Variants in ALK observed in about 807,000 individuals in gnomAD.
ALK encodes ALK tyrosine kinase receptor.
A neutral mutation model predicts 163.1 loss-of-function variants in ALK; 74 were observed. The ratio of observed to expected loss-of-function variants is 0.45; its 90% CI spans 0.38 to 0.55. The LOEUF is 0.55. Ranked by LOEUF, ALK falls within the 20% of genes least tolerant of loss-of-function variation. The pLI is 0.00. For missense variants in ALK, 2,063 were observed against 2,105.3 expected (o/e 0.98, Z 0.39); for synonymous variants, 960 against 843.2 (o/e 1.14, Z -2.40).
At chr2:29,583,041 TG>T (rs1340760409) in intron 3 of ALK, among the ~76,000 whole-genome samples, 17 of 88,820 alleles carry the variant, frequency 1.9e-4, no homozygotes, top group Admixed American at 5.2e-4. Context: ...TTTTGTTTTT[TG>T]TTTTTTTGTT....
At chr2:29,217,085 T>C (rs529895873) in intron 23 of ALK, among the ~76,000 whole-genome samples, 2 of 143,378 alleles carry the variant, frequency 1.4e-5, no homozygotes, top group Non-Finnish European at 3.0e-5. Flanking sequence ...TGTATGTAAG[T>C]GGTATATGTC....
At chr2:29,555,557 C>T (rs1673830194) in intron 3 of ALK, among the ~76,000 whole-genome samples, 2 of 152,196 alleles carry the variant, frequency 1.3e-5, no homozygotes, top group Non-Finnish European at 2.9e-5. Flanking sequence ...CACCCCTGCC[C>T]TCCACCTTTC....
At chr2:29,392,970 A>ATCAAAGTTCAAGG (rs1377978862) in intron 4 of ALK, among the ~76,000 whole-genome samples, 2 of 14,482 alleles carry the variant, frequency 1.4e-4, no homozygotes, top group Non-Finnish European at 1.9e-4. Context: ...TGTGTTTAAG[A>ATCAAAGTTCAAGG]TCACTCAAAG....
intron 1 of ALK, among the ~76,000 whole-genome samples, chr2:29,840,312 A>G (rs904172041): frequency 6.6e-6 from 1 of 152,288 alleles, no homozygotes. Flanking sequence ...AAATGCTTGG[A>G]GAGATAAAGA....
At chr2:29,714,422 G>A (rs1679190837) in intron 2 of ALK, among the ~76,000 whole-genome samples, 1 of 152,158 alleles carries the variant, frequency 6.6e-6, no homozygotes, top group Non-Finnish European at 1.5e-5. Context: ...GATAATTACA[G>A]ACTGGGGGTG....
chr2:29,570,917 T>G (rs541768110), intron 3 of ALK, among the ~76,000 whole-genome samples: 105 of 152,300 alleles, frequency 6.9e-4, no homozygotes, highest in African/African-American at 2.4e-3. Context: ...AAACACAAAA[T>G]CTTTTCAAAT....
intron 18 of ALK, among the ~76,000 whole-genome samples, 153 bp downstream of exon 18, chr2:29,226,769 G>A (rs1195001206): frequency 6.6e-6 from 1 of 152,218 alleles, no homozygotes; most frequent in Non-Finnish European, 1.5e-5. Flanking sequence ...CTTTCACACA[G>A]TGGTCAGAGC....
intron 4 of ALK, among the ~76,000 whole-genome samples, chr2:29,481,898 C>G (rs548842686): frequency 3.3e-5 from 5 of 152,170 alleles, no homozygotes; most frequent in Non-Finnish European, 7.3e-5. Context: ...TTTTCAAAGG[C>G]TCTTAAGCCT....
chr2:29,363,553 G>T (rs1230948625), intron 5 of ALK, among the ~76,000 whole-genome samples: 1 of 152,188 alleles, frequency 6.6e-6, no homozygotes, highest in African/African-American at 2.4e-5. Flanking sequence ...ACCACTTCTG[G>T]ATCTGTAGGC....
chr2:29,234,410 A>G (rs1664313743), intron 13 of ALK, among the ~76,000 whole-genome samples: 2 of 151,950 alleles, frequency 1.3e-5, no homozygotes, highest in South Asian at 4.2e-4. Flanking sequence ...AGGAGGAGAG[A>G]AAAAAACCAG....
chr2:29,657,344 C>T (rs558415258), intron 3 of ALK, among the ~76,000 whole-genome samples: 168 of 152,106 alleles, frequency 1.1e-3, no homozygotes, highest in African/African-American at 3.8e-3. Flanking sequence ...AGCATGACTC[C>T]GAATATGCTA....
intron 4 of ALK, among the ~76,000 whole-genome samples, chr2:29,411,281 A>G (rs976955154): frequency 1.3e-5 from 2 of 152,120 alleles, no homozygotes; most frequent in African/African-American, 4.8e-5. Context: ...TCTTCTGGAT[A>G]TCTCCTGAGG....
intron 2 of ALK, among the ~76,000 whole-genome samples, chr2:29,709,970 C>T (rs565973811): frequency 1.3e-5 from 2 of 152,104 alleles, no homozygotes; most frequent in Admixed American, 6.5e-5. Context: ...TTTGTCTGTG[C>T]CCCCACCCAA....
intron 1 of ALK, among the ~76,000 whole-genome samples, chr2:29,750,697 A>AAGGAAGGCAGGCAGGCAGGC: frequency 2.4e-5 from 2 of 84,634 alleles, no homozygotes; most frequent in African/African-American, 7.5e-5. Flanking sequence ...GGAAGGAAGG[A>AAGGAAGGCAGGCAGGCAGGC]AGGCAGGCAG....
intron 25 of ALK, chr2:29,208,125 C>T (rs956530060): frequency 4.5e-6 from 2 of 442,764 alleles, no homozygotes; most frequent in South Asian, 3.2e-5. Context: ...GATATATATG[C>T]ATTGCAATAT....
intron 4 of ALK, among the ~76,000 whole-genome samples, chr2:29,447,998 A>C (rs1413697450): frequency 1.3e-5 from 2 of 152,220 alleles, no homozygotes; most frequent in African/African-American, 4.8e-5. Context: ...TTAAATGACA[A>C]AGGACAGTAA....
At chr2:29,358,887 T>G (rs2148285128) in intron 5 of ALK, among the ~76,000 whole-genome samples, 1 of 152,290 alleles carries the variant, frequency 6.6e-6, no homozygotes, top group South Asian at 2.1e-4. Flanking sequence ...AACAATTCCC[T>G]ATTATATACG....
At chr2:29,479,160 GA>G (rs1278977229) in intron 4 of ALK, among the ~76,000 whole-genome samples, 1 of 152,152 alleles carries the variant, frequency 6.6e-6, no homozygotes, top group Non-Finnish European at 1.5e-5. Flanking sequence ...AGGGTTCCCT[GA>G]ACATCTCCCA....
chr2:29,713,599 G>C (rs1679167357), intron 2 of ALK, among the ~76,000 whole-genome samples: 1 of 152,142 alleles, frequency 6.6e-6, no homozygotes, highest in African/African-American at 2.4e-5. Context: ...GGCAGGGAAA[G>C]CTCATCTTTG....
Sources: allele counts gnomAD v4.1 joint callset (sites outside exome capture counted in the v4.1 genomes callset), GRCh38; gene constraint gnomAD v4.1.1; transcripts MANE v1.5; gene names NCBI Gene and HGNC (gene_info 2026-07-23, HGNC 2026-07-21).